Variants in MUC12 observed in about 807,000 individuals in gnomAD.
MUC12 encodes the protein mucin 12, cell surface associated.
MUC12 carries 172 observed loss-of-function variants against 230.8 expected under a neutral mutation model. The ratio of observed to expected loss-of-function variants is 0.75; its 90% CI spans 0.66 to 0.85. The LOEUF is 0.85. Ranked by LOEUF, MUC12 falls within the 40% of genes least tolerant of loss-of-function variation. The pLI is 0.00. For missense variants in MUC12, 3,506 were observed against 5,920.6 expected (o/e 0.59, Z 13.38); for synonymous variants, 1,259 against 2,401.9 (o/e 0.52, Z 13.91).
chr7:101,007,867 G>A (rs1045859173), intron 3 of MUC12, among the ~76,000 whole-genome samples: 14 of 148,342 alleles, frequency 9.4e-5, no homozygotes, highest in South Asian at 2.2e-4. Context: ...GCATGATCTC[G>A]GCTTACTGCA....
chr7:100,986,885 T>C (rs1793198513), intron 1 of MUC12, among the ~76,000 whole-genome samples: 1 of 152,158 alleles, frequency 6.6e-6, no homozygotes, highest in South Asian at 2.1e-4. Flanking sequence ...CTGGTGGCAC[T>C]TCCATCACAG....
intron 1 of MUC12, among the ~76,000 whole-genome samples, chr7:100,990,272 T>G (rs1379329083): frequency 6.6e-6 from 1 of 152,234 alleles, no homozygotes; most frequent in African/African-American, 2.4e-5. Context: ...GAACTGTGCA[T>G]GCAAGGGATT....
intron 1 of MUC12, among the ~76,000 whole-genome samples, chr7:100,970,034 G>A (rs1170093999): frequency 1.3e-5 from 2 of 152,308 alleles, no homozygotes; most frequent in Admixed American, 6.5e-5. Flanking sequence ...CATCCTGGGG[G>A]CTTTATCTGC....
intron 1 of MUC12, among the ~76,000 whole-genome samples, chr7:100,990,167 G>A (rs556576649): frequency 9.2e-5 from 14 of 152,340 alleles, no homozygotes; most frequent in South Asian, 2.1e-4. Flanking sequence ...CAGGACACAC[G>A]GCAAGAAGTG....
chr7:100,990,494 C>G (rs1336913590), intron 1 of MUC12, 137 bp from the exon 2 acceptor site: 1 of 1,092,078 alleles, frequency 9.2e-7, no homozygotes, highest in South Asian at 1.6e-5. Flanking sequence ...CCTATGCCCC[C>G]AAAAGGGAAA....
rs749693887 is a variant in MUC12 at position 100,993,315 on chromosome 7, G to C, written c.2752G>C (p.Asp918His). The C allele has an allele frequency of 1.0e-6, 1 of 958,238 alleles. No homozygotes were observed. The highest frequency in any genetic ancestry group is 1.5e-6 in the Non-Finnish European group (1 of 681,546). The allele number at this position is 958,238 out of a possible 1,614,324, so 59.4% of individuals were successfully genotyped here. A position where few individuals can be genotyped will look rare whatever the true frequency, so the allele number is the denominator to read the frequency against. The change falls in exon 2 of 12, where the codon GAC (aspartate) becomes CAC (histidine). Residue 918 changes from aspartate to histidine, a missense_variant. By Grantham distance (81) the Asp-to-His change is moderately conservative (BLOSUM62 -1). Coordinates refer to ENST00000536621, the MANE Select transcript of MUC12 (RefSeq NM_001164462.2). ...TTSHSSSGST[D>H]TALSPGSTTA... is the part of the protein sequence containing the mutation. ...TTCCCACAGCAGCTCAGGTTCAACTGACACAGCACTGTCCCCTGGCAGTAC... is the reference window on the plus strand; with the variant it reads ...TTCCCACAGCAGCTCAGGTTCAACTCACACAGCACTGTCCCCTGGCAGTAC...
At chr7:100,972,792 C>A in intron 1 of MUC12, 1 of 691,046 alleles carries the variant, frequency 1.4e-6, no homozygotes, top group Non-Finnish European at 2.6e-6. Flanking sequence ...AGGTGCGAGC[C>A]ACCGCATCTG....
chr7:100,987,060 G>GTTT lies in MUC12; in HGVS notation c.68-3549_68-3547dup, dbSNP rs1176844989. On this transcript the variant is annotated intron_variant, in intron 1 of 11. Coordinates refer to ENST00000536621, the MANE Select transcript of MUC12 (RefSeq NM_001164462.2). ...CCTCCAGTCCAGGGCCAAGATAATG[G>GTTT]TTTTTTTTTTTTTTTTTTTTTTTTG... Among the ~76,000 whole-genome samples the GTTT allele has an allele frequency of 5.6e-3, 515 of 91,324 alleles. 4 individuals are homozygous for GTTT. The highest frequency in any genetic ancestry group is 6.5e-3 in the African/African-American group (147 of 22,486). 59.9% of individuals were successfully genotyped at this position (91,324 alleles called of 152,430 possible).
intron 1 of MUC12, 25 bp from the exon 2 acceptor site, chr7:100,990,606 T>A: frequency 6.5e-7 from 1 of 1,537,122 alleles, no homozygotes; most frequent in Non-Finnish European, 8.7e-7. Flanking sequence ...TCATAGCACT[T>A]TCTCTGGTTT....
intron 10 of MUC12, 100 bp downstream of exon 10, chr7:101,015,791 T>A: frequency 5.6e-6 from 6 of 1,069,204 alleles, no homozygotes; most frequent in Non-Finnish European, 8.1e-6. Flanking sequence ...CCAGCCCCCC[T>A]TTGGGGTGGC....
At position 100,991,872 on chromosome 7, in the gene MUC12, T is replaced by G. The variant is rs1309318475; in HGVS notation, c.1309T>G (p.Ser437Ala). 12 of 1,537,680 alleles carry G rather than the reference T, an allele frequency of 7.8e-6. No individual in the cohort carries two copies. The highest frequency in any genetic ancestry group is 1.0e-5 in the Non-Finnish European group (12 of 1,146,842). Residue 437 changes from serine (S) to alanine (A), a missense_variant, in exon 2 of 12, where the codon TCA (serine) becomes GCA (alanine). Transcript: ENST00000536621. ...SSTISGRSEE[S>A]KASHSSPDAM... The stretch of plus-strand genomic sequence containing the variant: ...CACAATCTCAGGCCGTAGTGAGGAA[T>G]CAAAAGCATCCCACAGCAGCCCAGA...
At chr7:101,013,718 A>G (rs951898334) in intron 8 of MUC12, among the ~76,000 whole-genome samples, 195 bp from the exon 9 acceptor site, 1 of 152,154 alleles carries the variant, frequency 6.6e-6, no homozygotes, top group African/African-American at 2.4e-5. Context: ...CCTGATCTGC[A>G]GTCTCCAGGT....
chr7:100,974,655 G>T (rs114541840), intron 1 of MUC12, among the ~76,000 whole-genome samples: 22 of 20,076 alleles, frequency 1.1e-3, no homozygotes, highest in Non-Finnish European at 2.2e-3. Context: ...CCCTGTCTCT[G>T]CAAAAAATAC....
chr7:101,008,910 G>A (rs1035623175), intron 4 of MUC12, 149 bp downstream of exon 4: 6 of 1,297,758 alleles, frequency 4.6e-6, no homozygotes, highest in Non-Finnish European at 6.2e-6. Flanking sequence ...GGTCCTTTGA[G>A]AGCTTCCAGC....
rs879396661 is a variant in MUC12, at chr7:101,012,874, G to A, written c.15459G>A (p.Pro5153=). Residue 5153 remains proline (P), a synonymous_variant, in exon 7 of 12, where the codon CCG becomes CCA. Coordinates refer to ENST00000536621, the MANE Select transcript of MUC12 (RefSeq NM_001164462.2). The part of the protein sequence containing the change: ...EDTFVDSSVT[P]GFDFQEQCTQ... The stretch of plus-strand genomic sequence containing the variant: ...CTTTCGTGGATTCATCGGTGACTCC[G>A]GGCTTTGACTTCCAGGGTAAGCGAC... 6 of 1,537,116 alleles carry A rather than the reference G, an allele frequency of 3.9e-6. No individual in the cohort carries two copies. Among genetic ancestry groups the A allele is most frequent in the African/African-American group, 1.4e-5 (1 of 73,030 alleles).
At chr7:100,986,806 G>A (rs1793197815) in intron 1 of MUC12, among the ~76,000 whole-genome samples, 1 of 152,134 alleles carries the variant, frequency 6.6e-6, no homozygotes, top group Admixed American at 6.6e-5. Context: ...GGGACAAGAG[G>A]CCACACACCC....
chr7:101,007,648 T>A (rs1281156903), intron 3 of MUC12, among the ~76,000 whole-genome samples: 2 of 152,226 alleles, frequency 1.3e-5, no homozygotes, highest in Non-Finnish European at 2.9e-5. Context: ...TATCCATTCA[T>A]CTGTTGATGG....
At chr7:101,016,550 G>C (rs999687292) in intron 10 of MUC12, among the ~76,000 whole-genome samples, 3 of 152,260 alleles carry the variant, frequency 2.0e-5, no homozygotes, top group Admixed American at 6.5e-5. Context: ...CCAGACCTTA[G>C]GTGATCCGCC....
Position 101,004,527 on chromosome 7 carries a change from C to A in MUC12, c.13964C>A (p.Pro4655His), listed in dbSNP as rs780555857. 1.1e-5 allele frequency: 17 copies of A among 1,536,286 alleles called. No homozygotes were observed. In the South Asian group the frequency reaches 1.9e-4, roughly 17 times the overall value. ...PSTTSALVEE[P>H]TSYHSSPGSI... ...ACCACATCTGCCCTTGTTGAAGAAC[C>A]TACCAGCTACCACAGCAGCCCGGGC... is the stretch of plus-strand genomic sequence containing the variant. The change falls in exon 2 of 12, where the codon CCT (proline) becomes CAT (histidine). Residue 4655 changes from proline to histidine, a missense_variant. By Grantham distance (77) the Pro-to-His change is moderately conservative. Coordinates refer to ENST00000536621, the MANE Select transcript of MUC12 (RefSeq NM_001164462.2).
Sources: allele counts gnomAD v4.1 joint callset (sites outside exome capture counted in the v4.1 genomes callset), GRCh38; gene constraint gnomAD v4.1.1; transcripts MANE v1.5; gene names NCBI Gene and HGNC (gene_info 2026-07-23, HGNC 2026-07-21).